Variants in PCTP observed in about 807,000 individuals in gnomAD.
PCTP encodes START domain-containing protein 2.
A neutral mutation model predicts 31.0 loss-of-function variants in PCTP; 27 were observed. The ratio of observed to expected loss-of-function variants is 0.87; its 90% CI spans 0.64 to 1.20. The LOEUF is 1.20. Among genes scored for constraint, PCTP ranks in the 50% most tolerant of loss-of-function variants. The pLI is 0.00. For synonymous variants in PCTP, 108 were observed against 101.2 expected (o/e 1.07, Z -0.40); for missense variants, 287 against 268.2 (o/e 1.07, Z -0.49).
chr17:55,786,307 C>T (rs1911742948), intron 2 of PCTP, among the ~76,000 whole-genome samples: 1 of 152,024 alleles, frequency 6.6e-6, no homozygotes, highest in Non-Finnish European at 1.5e-5. Context: ...AATAAAATAG[C>T]CATGTGTGAT....
intron 3 of PCTP, among the ~76,000 whole-genome samples, chr17:55,802,372 C>T (rs1912415171): frequency 6.6e-6 from 1 of 152,156 alleles, no homozygotes; most frequent in South Asian, 2.1e-4. Flanking sequence ...TTTATGAGGC[C>T]AGCATCATCC....
At chr17:55,790,772 A>C (rs1326209800) in intron 3 of PCTP, among the ~76,000 whole-genome samples, 1 of 149,200 alleles carries the variant, frequency 6.7e-6, no homozygotes, top group African/African-American at 2.5e-5. Flanking sequence ...TCAAGCTACC[A>C]ATGACTTTCT....
At chr17:55,799,201 TCAAA>T (rs1200635766) in intron 3 of PCTP, among the ~76,000 whole-genome samples, 3 of 151,958 alleles carry the variant, frequency 2.0e-5, no homozygotes, top group Non-Finnish European at 2.9e-5. Flanking sequence ...TGTTAACTAT[TCAAA>T]CAGACAAAGA....
intron 3 of PCTP, among the ~76,000 whole-genome samples, chr17:55,811,315 A>G (rs1185804905): frequency 6.6e-6 from 1 of 152,236 alleles, no homozygotes; most frequent in Non-Finnish European, 1.5e-5. Flanking sequence ...TAGCAAACAC[A>G]TATCTAGCAC....
chr17:55,845,887 G>GGGGTGTGT (rs1555572496), downstream of PCTP, among the ~76,000 whole-genome samples: 32 of 142,962 alleles, frequency 2.2e-4, no homozygotes, highest in African/African-American at 3.9e-4. Context: ...AGAGGGTTGG[G>GGGGTGTGT]GTGTGTGTGT....
intron 3 of PCTP, among the ~76,000 whole-genome samples, chr17:55,772,222 T>G (rs1273427592): frequency 6.6e-6 from 1 of 152,092 alleles, no homozygotes; most frequent in East Asian, 1.9e-4. Flanking sequence ...GAACTTTACT[T>G]ATTAGTGTAT....
At chr17:55,754,679 C>T (rs1048369190) in intron 1 of PCTP, among the ~76,000 whole-genome samples, 24 of 152,148 alleles carry the variant, frequency 1.6e-4, no homozygotes, top group African/African-American at 2.7e-4. Flanking sequence ...CCTCTCCATG[C>T]GACATTCCTT....
chr17:55,835,333 C>T (rs1343687862), intron 5 of PCTP, among the ~76,000 whole-genome samples: 1 of 152,188 alleles, frequency 6.6e-6, no homozygotes, highest in Non-Finnish European at 1.5e-5. Context: ...CTACCTGTCC[C>T]ATGCTTCAAG....
chr17:55,839,017 A>C (rs909200076), intron 5 of PCTP, among the ~76,000 whole-genome samples: 5 of 152,224 alleles, frequency 3.3e-5, no homozygotes, highest in African/African-American at 1.2e-4. Flanking sequence ...CAAACCAAAC[A>C]AAAACCAAAC....
chr17:55,751,586 C>A, intron 1 of PCTP: 20 of 800,384 alleles, frequency 2.5e-5, no homozygotes, highest in Admixed American at 2.8e-5. Context: ...CCTCACTCTC[C>A]AATGCGTGTC....
At chr17:55,781,962 T>A (rs1054205871), downstream of PCTP, among the ~76,000 whole-genome samples, 4 of 152,188 alleles carry the variant, frequency 2.6e-5, no homozygotes, top group African/African-American at 9.7e-5. Context: ...ATTATGGAAT[T>A]GGCTCATACA....
At chr17:55,820,321 T>G (rs1913074130) in intron 3 of PCTP, among the ~76,000 whole-genome samples, 1 of 152,174 alleles carries the variant, frequency 6.6e-6, no homozygotes, top group South Asian at 2.1e-4. Flanking sequence ...AGCAGGTAAT[T>G]TATATAAGTA....
chr17:55,812,960 C>T lies in PCTP; in HGVS notation c.318-9801C>T, dbSNP rs1185353418. Among the ~76,000 whole-genome samples the T allele has an allele frequency of 2.6e-5, 4 of 152,138 alleles. 1 individual carries two copies. The highest frequency in any genetic ancestry group is 4.1e-4 in the South Asian group (2 of 4,832). Reference sequence around the variant, plus strand: ...TCATGAGAGTTATCACTCCTCCCCACGGGGAGAGTGGGCAGTCACGGTGAA... The same window carrying T: ...TCATGAGAGTTATCACTCCTCCCCATGGGGAGAGTGGGCAGTCACGGTGAA... On this transcript the variant is annotated intron_variant, in intron 3 of 3. Transcript: ENST00000572536.
chr17:55,836,641 C>G (rs1905787010), intron 5 of PCTP, among the ~76,000 whole-genome samples: 1 of 152,192 alleles, frequency 6.6e-6, no homozygotes, highest in Non-Finnish European at 1.5e-5. Context: ...GCTAAACTAT[C>G]AAGTATGTTT....
intron 5 of PCTP, among the ~76,000 whole-genome samples, chr17:55,828,156 A>G (rs115797482): frequency 0.019 from 2,850 of 152,328 alleles, 93 homozygotes; most frequent in African/African-American, 0.065. Flanking sequence ...TAAGTTTCCT[A>G]CGTGAGAAAG....
intron 2 of PCTP, among the ~76,000 whole-genome samples, chr17:55,784,305 G>C (rs541953002): frequency 1.1e-4 from 16 of 152,246 alleles, no homozygotes; most frequent in African/African-American, 3.9e-4. Flanking sequence ...CTAAATATCT[G>C]TGGCTGTAGG....
At chr17:55,785,672 C>G (rs750469830) in intron 2 of PCTP, among the ~76,000 whole-genome samples, 3 of 152,196 alleles carry the variant, frequency 2.0e-5, no homozygotes, top group Non-Finnish European at 4.4e-5. Context: ...TTATCACTAC[C>G]TACATTTATA....
At chr17:55,775,511 T>A in intron 5 of PCTP, 1 of 1,190,434 alleles carries the variant, frequency 8.4e-7, no homozygotes, top group Admixed American at 4.2e-5. Flanking sequence ...CTTGTTTTAT[T>A]TAAGGAAGCC....
intron 3 of PCTP, chr17:55,822,702 C>T: frequency 1.0e-6 from 1 of 987,676 alleles, no homozygotes; most frequent in Non-Finnish European, 1.3e-6. Flanking sequence ...GAAGTATCCC[C>T]AGGAATTTTT....
Sources: allele counts gnomAD v4.1 joint callset (sites outside exome capture counted in the v4.1 genomes callset), GRCh38; gene constraint gnomAD v4.1.1; transcripts MANE v1.5; gene names NCBI Gene and HGNC (gene_info 2026-07-23, HGNC 2026-07-21).